JAK2: variants seen among roughly 807,000 people sequenced by gnomAD.
JAK2 encodes Janus kinase 2, also known as tyrosine-protein kinase JAK2.
JAK2 carries 86 observed loss-of-function variants against 139.3 expected under a neutral mutation model. That is an observed-to-expected ratio of 0.62 (90% CI 0.52 to 0.74). The LOEUF (loss-of-function observed/expected upper bound fraction) is 0.74. Among genes scored for constraint, JAK2 ranks in the 30% least tolerant of loss-of-function variants. JAK2 has a pLI of 0.00. For missense variants in JAK2, 1,421 were observed against 1,360.3 expected, an observed-to-expected ratio of 1.04 and a Z score of -0.70; for synonymous variants, 490 against 437.7, an observed-to-expected ratio of 1.12 and a Z score of -1.49.
rs2130590956 is a variant in JAK2 at position 5,078,387 on chromosome 9, C to T, written c.2074C>T (p.Pro692Ser). Residue 692 changes from proline (P) to serine (S), a missense_variant, in exon 16 of 25, where the codon CCT (proline) becomes TCT (serine). Transcript: ENST00000381652. The part of the protein sequence containing the change: ...IREEDRKTGN[P>S]PFIKLSDPGI... ...AGAAGAAGACAGGAAGACAGGAAAT[C>T]CTCCTTTCATCAAACTTAGTGATCC... is the stretch of plus-strand genomic sequence containing the variant. 1 of 1,612,974 alleles carries T rather than the reference C, an allele frequency of 6.2e-7. No individual in the cohort carries two copies. The highest frequency in any genetic ancestry group is 2.2e-5 in the East Asian group (1 of 44,750).
rs144384901 is a variant in JAK2, at chr9:5,127,951, G to T, written c.*1160G>T. 1 of 232,166 alleles carries T rather than the reference G, an allele frequency of 4.3e-6. No homozygotes were observed. 14.4% of individuals were successfully genotyped at this position (232,166 alleles called of 1,614,324 possible). A position where few individuals can be genotyped will look rare whatever the true frequency, so the allele number is the denominator to read the frequency against. The stretch of plus-strand genomic sequence containing the variant: ...AATGCCAGTAGAAAATTCATAACGT[G>T]TATCTTTAAGAAAAATGAGCATACA... On this transcript the variant is annotated 3_prime_UTR_variant, in exon 25 of 25. Transcript: ENST00000381652.
At chr9:5,028,391 G>T (rs903631706) in intron 3 of JAK2, among the ~76,000 whole-genome samples, 1 of 152,166 alleles carries the variant, frequency 6.6e-6, no homozygotes, top group Non-Finnish European at 1.5e-5. Flanking sequence ...AGGCTTTGTT[G>T]TCCCATTTAT....
At chr9:5,033,852 G>C (rs1290587901) in intron 4 of JAK2, among the ~76,000 whole-genome samples, 19 of 152,036 alleles carry the variant, frequency 1.2e-4, no homozygotes, top group Admixed American at 6.6e-5. Flanking sequence ...AAATAACCAG[G>C]TAACGTCATA....
chr9:5,092,747 G>A (rs148451915), intron 22 of JAK2, among the ~76,000 whole-genome samples: 1 of 152,284 alleles, frequency 6.6e-6, no homozygotes, highest in African/African-American at 2.4e-5. Context: ...CACCTACGTG[G>A]CAAAATAGTG....
In JAK2 at chr9:5,081,108, G is replaced by A. The variant is rs546974392; in HGVS notation, c.2434+425G>A. On this transcript the variant is annotated intron_variant, in intron 18 of 24. Coordinates refer to ENST00000381652, the MANE Select transcript of JAK2 (RefSeq NM_004972.4). Reference sequence around the variant, plus strand: ...GACGGGGTTTCACCGTGTTAGCCAGGATGGTCTCGATCTCCTGATCTTGTG... The same window carrying A: ...GACGGGGTTTCACCGTGTTAGCCAGAATGGTCTCGATCTCCTGATCTTGTG... Among the ~76,000 whole-genome samples the A allele has an allele frequency of 2.3e-4, 35 of 151,918 alleles. No homozygotes were observed. In the East Asian group the frequency reaches 6.4e-3, roughly 28 times the overall value.
At chr9:5,058,551 G>C (rs1200426704) in intron 8 of JAK2, among the ~76,000 whole-genome samples, 1 of 152,196 alleles carries the variant, frequency 6.6e-6, no homozygotes. Context: ...GGGACGCAGA[G>C]CCAAACCATG....
intron 22 of JAK2, among the ~76,000 whole-genome samples, chr9:5,105,847 A>G (rs1267989708): frequency 6.6e-6 from 1 of 152,230 alleles, no homozygotes; most frequent in African/African-American, 2.4e-5. Flanking sequence ...TGCTGGGAAA[A>G]CTGGCTAGCC....
intron 22 of JAK2, among the ~76,000 whole-genome samples, chr9:5,117,833 CGTTGT>C (rs1823321990): frequency 1.3e-5 from 2 of 152,014 alleles, no homozygotes; most frequent in African/African-American, 4.8e-5. Flanking sequence ...ACAGAGGGGA[CGTTGT>C]ATTAATGAGA....
intron 4 of JAK2, among the ~76,000 whole-genome samples, chr9:5,036,848 C>T (rs1371822851): frequency 6.6e-6 from 1 of 152,122 alleles, no homozygotes; most frequent in Non-Finnish European, 1.5e-5. Flanking sequence ...CAACAAAAGC[C>T]AGAATTGACA....
chr9:5,089,537 CAAAAAAAAAAAAA>C lies in JAK2; in HGVS notation c.2572-121_2572-109del, dbSNP rs58042774. On this transcript the variant is annotated intron_variant, in intron 19 of 24. Transcript: ENST00000381652. ...TGGGTGACAGAGCGAGACTTCGTCT[CAAAAAAAAAAAAA>C]AAAAAAAAAAAAAAAGACAGTCTGC... The C allele has an allele frequency of 2.8e-4, 24 of 87,062 alleles. No homozygotes were observed. The East Asian group carries it at 5.1e-3, about 18-fold the overall frequency. The allele number at this position is 87,062 out of a possible 1,614,324, so 5.4% of individuals were successfully genotyped here. A position where few individuals can be genotyped will look rare whatever the true frequency, so the allele number is the denominator to read the frequency against.
chr9:5,041,960 C>CGG, intron 4 of JAK2: 1 of 378,484 alleles, frequency 2.6e-6, no homozygotes, highest in South Asian at 2.1e-5. Context: ...CTTCTCCGTG[C>CGG]GGCCCCTTGG....
intron 22 of JAK2, among the ~76,000 whole-genome samples, chr9:5,095,183 G>C (rs1355098253): frequency 6.6e-6 from 1 of 151,894 alleles, no homozygotes; most frequent in Non-Finnish European, 1.5e-5. Flanking sequence ...ATAAGCTATT[G>C]GGCCCATTCT....
chr9:5,097,558 G>A, intron 22 of JAK2: 1 of 152,172 alleles, frequency 6.6e-6, no homozygotes, highest in Non-Finnish European at 1.5e-5. Flanking sequence ...CATAGACACA[G>A]ACACATGAGC....
chr9:5,067,705 AGCTATGTATTATAGAGTTTAT>A (rs1171998707), intron 10 of JAK2, among the ~76,000 whole-genome samples: 2 of 152,076 alleles, frequency 1.3e-5, no homozygotes, highest in East Asian at 3.8e-4. Context: ...CTAATATGAG[AGCTATGTATTATAGAGTTTAT>A]GCTACAGCCC....
At chr9:5,086,974 A>G (rs1020712865) in intron 19 of JAK2, among the ~76,000 whole-genome samples, 1 of 152,184 alleles carries the variant, frequency 6.6e-6, no homozygotes, top group African/African-American at 2.4e-5. Context: ...ATTATTTCCT[A>G]GTACGGGAAC....
At chr9:5,085,969 T>C in intron 19 of JAK2, 2 of 1,092,850 alleles carry the variant, frequency 1.8e-6, no homozygotes, top group Non-Finnish European at 1.4e-6. Flanking sequence ...TTCTCACCAC[T>C]GTGTGTTTTG....
intron 19 of JAK2, 33 bp from the exon 20 acceptor site, chr9:5,089,641 G>T: frequency 8.7e-7 from 1 of 1,153,118 alleles, no homozygotes; most frequent in South Asian, 3.4e-5. Context: ...TTGAAAACTT[G>T]GTATTTCCAT....
intron 9 of JAK2, among the ~76,000 whole-genome samples, chr9:5,065,635 G>A (rs1172819205): frequency 6.6e-6 from 1 of 152,136 alleles, no homozygotes; most frequent in Non-Finnish European, 1.5e-5. Flanking sequence ...AGCTACATGT[G>A]GCTAGTAACT....
intron 4 of JAK2, among the ~76,000 whole-genome samples, chr9:5,043,219 T>C (rs1816747712): frequency 6.6e-6 from 1 of 151,912 alleles, no homozygotes; most frequent in Non-Finnish European, 1.5e-5. Flanking sequence ...CCCAGGGCGG[T>C]GGCCGTGAGT....
Sources: gnomAD v4.1 joint callset for allele counts (sites outside exome capture counted in the v4.1 genomes callset) on GRCh38, gnomAD v4.1.1 for gene constraint, MANE v1.5 for transcripts, NCBI Gene and HGNC (gene_info 2026-07-23, HGNC 2026-07-21) for gene names.